Variants in CD200 observed in about 807,000 individuals in gnomAD.
The protein encoded by CD200 is OX-2 membrane glycoprotein.
In CD200, 15 loss-of-function variants were observed where a neutral mutation model predicts 30.9. That is an observed-to-expected ratio of 0.49 (90% CI 0.32 to 0.75). The LOEUF (loss-of-function observed/expected upper bound fraction) is 0.75. Among genes scored for constraint, CD200 ranks in the 30% least tolerant of loss-of-function variants. The probability of loss-of-function intolerance (pLI) is 0.03; values close to 1 mark genes in which losing one functional copy is unlikely to be tolerated. For missense variants in CD200, 262 were observed against 324.2 expected, an observed-to-expected ratio of 0.81 and a Z score of 1.47; for synonymous variants, 134 against 126.2, an observed-to-expected ratio of 1.06 and a Z score of -0.41.
At chr3:112,358,379 G>C (rs1168430361) in intron 5 of CD200, among the ~76,000 whole-genome samples, 1 of 152,212 alleles carries the variant, frequency 6.6e-6, no homozygotes, top group African/African-American at 2.4e-5. Context: ...GGGACCCACT[G>C]GGGAGACAGA....
chr3:112,333,314 A>C (rs1393872309), intron 1 of CD200, 90 bp downstream of exon 1: 3 of 1,496,724 alleles, frequency 2.0e-6, no homozygotes, highest in Non-Finnish European at 2.7e-6. Flanking sequence ...GAAGGCGCGG[A>C]GCTTCGGCTC....
intron 3 of CD200, among the ~76,000 whole-genome samples, chr3:112,345,781 A>T (rs1287190765): frequency 6.6e-6 from 1 of 152,208 alleles, no homozygotes; most frequent in Admixed American, 6.5e-5. Context: ...GCTTGGGGAG[A>T]TAGCTCTTTC....
At chr3:112,360,458 G>A (rs1161957848) in intron 5 of CD200, among the ~76,000 whole-genome samples, 1 of 152,046 alleles carries the variant, frequency 6.6e-6, no homozygotes, top group African/African-American at 2.4e-5. Flanking sequence ...GAGAAAAAAT[G>A]CTTACACTCT....
intron 4 of CD200, among the ~76,000 whole-genome samples, chr3:112,348,161 C>G (rs2081444687): frequency 1.3e-5 from 2 of 152,170 alleles, no homozygotes; most frequent in South Asian, 4.1e-4. Flanking sequence ...GAGCAAGACT[C>G]AGTCTCTAAG....
chr3:112,359,651 T>C (rs1420787742), intron 5 of CD200, among the ~76,000 whole-genome samples: 3 of 152,332 alleles, frequency 2.0e-5, no homozygotes, highest in South Asian at 4.1e-4. Flanking sequence ...TATTTATTAA[T>C]AATTTTTAAT....
At position 112,345,304 on chromosome 3, in the gene CD200, A is replaced by G; in HGVS notation, c.421+16A>G. Reference sequence around the variant, plus strand: ...ACCGTCTATGGTGAGAATCTCTGAGAATCATTGTCTGTGTCTGGAAATACT... The same window carrying G: ...ACCGTCTATGGTGAGAATCTCTGAGGATCATTGTCTGTGTCTGGAAATACT... On this transcript the variant is annotated intron_variant, in intron 3 of 5. Transcript: ENST00000315711. 6.3e-7 allele frequency: 1 copy of G among 1,591,480 alleles called. No homozygotes were observed.
chr3:112,345,931 G>A (rs1389813531), intron 3 of CD200, among the ~76,000 whole-genome samples: 3 of 152,198 alleles, frequency 2.0e-5, no homozygotes, highest in Admixed American at 6.5e-5. Context: ...ACACAGCTGA[G>A]ATGAAAGGTT....
chr3:112,335,237 T>C (rs1322320719), intron 1 of CD200, among the ~76,000 whole-genome samples: 1 of 152,146 alleles, frequency 6.6e-6, no homozygotes, highest in African/African-American at 2.4e-5. Context: ...TTTGTGAGTA[T>C]AATACCCAGC....
At chr3:112,334,377 T>G in intron 1 of CD200, 1 of 287,806 alleles carries the variant, frequency 3.5e-6, no homozygotes, top group Non-Finnish European at 5.2e-6. Context: ...TTCAGGACTG[T>G]AGTTCCCCCT....
intron 3 of CD200, among the ~76,000 whole-genome samples, chr3:112,346,393 T>G (rs1022205702): frequency 6.6e-6 from 1 of 152,090 alleles, no homozygotes; most frequent in African/African-American, 2.4e-5. Flanking sequence ...CTTCCTTCAC[T>G]CATAGACTTT....
At chr3:112,341,747 GA>G (rs796274600) in intron 2 of CD200, among the ~76,000 whole-genome samples, 1,583 of 147,710 alleles carry the variant, frequency 0.011, 20 homozygotes, top group African/African-American at 0.034. Flanking sequence ...TAGTCAAAAA[GA>G]AAAAAAAAAC....
chr3:112,355,940 T>A (rs1485794294), intron 5 of CD200, among the ~76,000 whole-genome samples: 1 of 152,158 alleles, frequency 6.6e-6, no homozygotes, highest in East Asian at 1.9e-4. Flanking sequence ...AATAACCATA[T>A]TGTAAAAAAA....
At chr3:112,333,535 G>T in intron 1 of CD200, 4 of 985,408 alleles carry the variant, frequency 4.1e-6, no homozygotes, top group South Asian at 9.4e-5. Context: ...CGAAGCTGGC[G>T]CATCCTCCGG....
At position 112,361,548 on chromosome 3, in the gene CD200, TA is replaced by T; in HGVS notation, c.*1del. The T allele has an allele frequency of 6.2e-7, 1 of 1,608,034 alleles. No homozygotes were observed. Among genetic ancestry groups the T allele is most frequent in the Non-Finnish European group, 8.5e-7 (1 of 1,174,430 alleles). Reference sequence around the variant, plus strand: ...CTTGTTTTTCTTTTATCCAGAGCCCTAAATAAGTCACACAGCACCCTGAAAG... The same window carrying T: ...CTTGTTTTTCTTTTATCCAGAGCCCTAATAAGTCACACAGCACCCTGAAAG... ...KRHRNQDREP[*>X] On this transcript the variant is annotated frameshift_variant and stop_lost, in exon 6 of 6. Coordinates refer to ENST00000315711, the MANE Select transcript of CD200 (RefSeq NM_005944.7). LOFTEE classifies it high-confidence loss of function.
At position 112,345,098 on chromosome 3, in the gene CD200, C is replaced by T. The variant is rs933609841; in HGVS notation, c.231C>T (p.Thr77=). 1 of 1,613,966 alleles carries T rather than the reference C, an allele frequency of 6.2e-7. No individual in the cohort carries two copies. Among genetic ancestry groups the T allele is most frequent in the African/African-American group, 1.3e-5 (1 of 74,910 alleles). ...KKAVSPENMV[T]FSENHGVVIQ... is the part of the protein sequence containing the mutation. ...CTGTAAGCCCAGAAAACATGGTCAC[C>T]TTCAGCGAGAACCATGGGGTGGTGA... Residue 77 remains threonine, a synonymous_variant, in exon 3 of 6, where the codon ACC becomes ACT. Coordinates refer to ENST00000315711, the MANE Select transcript of CD200 (RefSeq NM_005944.7).
intron 2 of CD200, among the ~76,000 whole-genome samples, chr3:112,342,272 T>TC (rs1352446091): frequency 1.6e-4 from 4 of 24,504 alleles, no homozygotes; most frequent in Non-Finnish European, 2.6e-4. Flanking sequence ...CTGAGAACTG[T>TC]CCTTCCTTCC....
At position 112,345,023 on chromosome 3, in the gene CD200, T is replaced by A; in HGVS notation, c.156T>A (p.Ser52=). The A allele has an allele frequency of 6.2e-7, 1 of 1,614,114 alleles. No homozygotes were observed. Residue 52 remains serine, a synonymous_variant, in exon 3 of 6, where the codon TCT becomes TCA. Coordinates refer to ENST00000315711, the MANE Select transcript of CD200 (RefSeq NM_005944.7). ...QLYTPASLKC[S]LQNAQEALIV... is the part of the protein sequence containing the mutation. ...ACACACCTGCTTCCTTAAAATGCTC[T>A]CTGCAAAATGCCCAGGAAGCCCTCA...
chr3:112,349,648 CTT>C, intron 4 of CD200, 62 bp from the exon 5 acceptor site: 1 of 1,399,500 alleles, frequency 7.1e-7, no homozygotes, highest in Non-Finnish European at 9.6e-7. Context: ...AAGCTCAACT[CTT>C]TTTGCCTCAA....
intron 2 of CD200, among the ~76,000 whole-genome samples, chr3:112,344,132 C>A (rs2081330486): frequency 6.6e-6 from 1 of 152,180 alleles, no homozygotes; most frequent in African/African-American, 2.4e-5. Flanking sequence ...ACACTTATAT[C>A]ATCACATGTA....
Sources: gnomAD v4.1 joint callset for allele counts (sites outside exome capture counted in the v4.1 genomes callset) on GRCh38, gnomAD v4.1.1 for gene constraint, MANE v1.5 for transcripts, NCBI Gene and HGNC (gene_info 2026-07-23, HGNC 2026-07-21) for gene names.